Variants in TENM2 observed in about 807,000 individuals in gnomAD.
The protein encoded by TENM2 is teneurin-2.
TENM2 carries 52 observed loss-of-function variants against 245.2 expected under a neutral mutation model. The observed-to-expected ratio is 0.21, with a 90% confidence interval of 0.17 to 0.27. The LOEUF (loss-of-function observed/expected upper bound fraction) is 0.27. Among genes scored for constraint, TENM2 ranks in the 10% least tolerant of loss-of-function variants. The pLI is 1.00. For synonymous variants in TENM2, 1,363 were observed against 1,438.9 expected (o/e 0.95, Z 1.19); for missense variants, 3,046 against 3,666.8 (o/e 0.83, Z 4.37).
At chr5:167,736,453 G>A (rs1561720966) in intron 2 of TENM2, among the ~76,000 whole-genome samples, 1 of 152,100 alleles carries the variant, frequency 6.6e-6, no homozygotes, top group Non-Finnish European at 1.5e-5. Context: ...CCTATAGTTA[G>A]TGATTTTATA....
chr5:167,054,271 T>G, the TENM2 span, among the ~76,000 whole-genome samples: 1 of 152,218 alleles, frequency 6.6e-6, no homozygotes, highest in Non-Finnish European at 1.5e-5. Context: ...CAGCGTTGTA[T>G]AGTTGGAATC....
chr5:167,909,070 T>C (rs572948971), intron 3 of TENM2, among the ~76,000 whole-genome samples: 992 of 90,316 alleles, frequency 0.011, 8 homozygotes, highest in African/African-American at 0.025. Context: ...TTCTCTCTCT[T>C]TTTTTTTTTT....
At chr5:167,910,999 A>T (rs953707318) in intron 3 of TENM2, among the ~76,000 whole-genome samples, 2 of 152,188 alleles carry the variant, frequency 1.3e-5, no homozygotes, top group Non-Finnish European at 2.9e-5. Context: ...ATGCATCAAA[A>T]ACCTGTTATT....
At chr5:167,446,870 G>A (rs1242898196) in intron 2 of TENM2, among the ~76,000 whole-genome samples, 1 of 151,716 alleles carries the variant, frequency 6.6e-6, no homozygotes, top group Non-Finnish European at 1.5e-5. Flanking sequence ...TATGGGTTGA[G>A]TATCCTTTAT....
chr5:167,166,423 G>C, the TENM2 span, among the ~76,000 whole-genome samples: 1 of 152,138 alleles, frequency 6.6e-6, no homozygotes, highest in South Asian at 2.1e-4. Context: ...ATTTGTGTCT[G>C]TTCAGGTAGG....
chr5:168,097,559 G>T (rs1793470095), intron 8 of TENM2, among the ~76,000 whole-genome samples: 1 of 151,892 alleles, frequency 6.6e-6, no homozygotes, highest in South Asian at 2.1e-4. Context: ...CAAGTAACTG[G>T]GATTACAGGC....
intron 12 of TENM2, among the ~76,000 whole-genome samples, chr5:168,131,168 A>G (rs1754545934): frequency 6.6e-6 from 1 of 152,188 alleles, no homozygotes; most frequent in African/African-American, 2.4e-5. Flanking sequence ...TATCTCCTGA[A>G]CATGGGCTAC....
intron 2 of TENM2, among the ~76,000 whole-genome samples, chr5:167,690,943 G>T (rs1014044220): frequency 7.2e-6 from 1 of 139,144 alleles, no homozygotes; most frequent in Non-Finnish European, 1.6e-5. Context: ...GTGTGTGTGT[G>T]TGTGTGTGTG....
chr5:167,198,814 T>C, the TENM2 span, among the ~76,000 whole-genome samples: 1 of 151,884 alleles, frequency 6.6e-6, no homozygotes, highest in Admixed American at 6.6e-5. Context: ...ATAATAAAAT[T>C]AATAGCTTAG....
intron 2 of TENM2, among the ~76,000 whole-genome samples, chr5:167,796,628 G>T (rs1765339742): frequency 6.6e-6 from 1 of 152,124 alleles, no homozygotes; most frequent in Admixed American, 6.5e-5. Context: ...GTGTGTGTGT[G>T]TGTGTGCGTG....
intron 13 of TENM2, 127 bp downstream of exon 15, chr5:168,162,884 T>C: frequency 8.5e-7 from 1 of 1,175,700 alleles, no homozygotes. Context: ...ACATTTTCTT[T>C]GAAGCAAATG....
intron 2 of TENM2, among the ~76,000 whole-genome samples, chr5:167,810,236 T>C (rs1010728922): frequency 4.6e-5 from 7 of 152,144 alleles, no homozygotes; most frequent in Admixed American, 3.9e-4. Flanking sequence ...AAAAGAAGAC[T>C]TCCTTTTTTT....
intron 2 of TENM2, among the ~76,000 whole-genome samples, chr5:167,543,627 A>C (rs1446834636): frequency 6.6e-6 from 1 of 152,206 alleles, no homozygotes; most frequent in Non-Finnish European, 1.5e-5. Flanking sequence ...TGGGTGTCTT[A>C]AAACAGTAGA....
rs76450680 is a variant in TENM2, at chr5:167,997,561, G to A, written c.1186+4379G>A. Among the ~76,000 whole-genome samples the A allele has an allele frequency of 2.6e-3, 402 of 152,356 alleles. 1 individual carries two copies. The highest frequency in any genetic ancestry group is 8.4e-3 in the African/African-American group (349 of 41,586). ...TTGGTTCATGTGCTACTTAGTGACA[G>A]CTGGTTAACTCTGCTGTTGTAAGTT... On this transcript the variant is annotated intron_variant, in intron 5 of 28. Transcript: ENST00000518659.
chr5:166,986,156 T>C, the TENM2 span, among the ~76,000 whole-genome samples: 2 of 152,232 alleles, frequency 1.3e-5, no homozygotes, highest in African/African-American at 4.8e-5. Flanking sequence ...AGAATTTTAT[T>C]GACCATTATG....
rs74609264 is a variant in TENM2 at position 167,534,621 on chromosome 5, C to T, written c.502+159148C>T. ...AGGAAAGCATTTGGACTTTATTCAG[C>T]GAGAACCATTTGAGTGGTATCTGAG... is the stretch of plus-strand genomic sequence containing the variant. On this transcript the variant is annotated intron_variant, in intron 2 of 28. Coordinates refer to ENST00000518659, the Ensembl canonical transcript of TENM2. Among the ~76,000 whole-genome samples, 746 of 152,200 alleles carry T rather than the reference C, an allele frequency of 4.9e-3. 11 individuals carry two copies. Among genetic ancestry groups the T allele is most frequent in the African/African-American group, 0.017 (691 of 41,518 alleles).
intron 2 of TENM2, among the ~76,000 whole-genome samples, chr5:167,623,903 T>C (rs976893820): frequency 1.3e-5 from 2 of 152,092 alleles, no homozygotes; most frequent in Non-Finnish European, 2.9e-5. Context: ...TGGCTATTAT[T>C]AAAAAGTCAA....
At chr5:167,976,471 A>G (rs1782454827) in intron 4 of TENM2, among the ~76,000 whole-genome samples, 1 of 152,202 alleles carries the variant, frequency 6.6e-6, no homozygotes, top group Non-Finnish European at 1.5e-5. Flanking sequence ...TTTCCCAAAT[A>G]TCATGGAACC....
At chr5:167,819,878 C>T (rs1583093645) in intron 2 of TENM2, among the ~76,000 whole-genome samples, 2 of 152,148 alleles carry the variant, frequency 1.3e-5, no homozygotes, top group East Asian at 1.9e-4. Context: ...GTGGAGTGAG[C>T]GTGATTGCTC....
Sources: allele counts gnomAD v4.1 joint callset (sites outside exome capture counted in the v4.1 genomes callset), GRCh38; gene constraint gnomAD v4.1.1; transcripts MANE v1.5; gene names NCBI Gene and HGNC (gene_info 2026-07-23, HGNC 2026-07-21).